RANBP10: variants seen among roughly 807,000 people sequenced by gnomAD.
RANBP10 encodes RAN binding protein 10.
RANBP10 carries 24 observed loss-of-function variants against 72.8 expected under a neutral mutation model. The observed-to-expected ratio is 0.33, with a 90% CI of 0.24 to 0.46. The LOEUF (loss-of-function observed/expected upper bound fraction) is 0.46. RANBP10 is among the 20% of genes least tolerant of loss of function. RANBP10 has a pLI of 1.00. For missense variants in RANBP10, 679 were observed against 817.5 expected, an observed-to-expected ratio of 0.83 and a Z score of 2.07; for synonymous variants, 310 against 322.3, an observed-to-expected ratio of 0.96 and a Z score of 0.41.
At chr16:67,733,862 A>T (rs989887082) in intron 6 of RANBP10, among the ~76,000 whole-genome samples, 1 of 152,098 alleles carries the variant, frequency 6.6e-6, no homozygotes, top group Admixed American at 6.5e-5. Flanking sequence ...GGCCCTGAAA[A>T]CTGAGAGTAT....
At chr16:67,799,215 C>A (rs1567717505) in intron 2 of RANBP10, among the ~76,000 whole-genome samples, 2 of 151,798 alleles carry the variant, frequency 1.3e-5, no homozygotes, top group Non-Finnish European at 2.9e-5. Flanking sequence ...GGATTACAGG[C>A]ATGAGCCAGG....
chr16:67,785,930 G>A (rs2054909166), intron 2 of RANBP10, among the ~76,000 whole-genome samples: 1 of 151,708 alleles, frequency 6.6e-6, no homozygotes, highest in African/African-American at 2.4e-5. Context: ...GGAGGCTGAG[G>A]CAGGAGAATG....
chr16:67,727,979 G>T, intron 11 of RANBP10, 83 bp from the exon 12 acceptor site: 1 of 1,491,108 alleles, frequency 6.7e-7, no homozygotes, highest in South Asian at 1.2e-5. Context: ...AAGGACCCCG[G>T]GTGGGCTGCA....
chr16:67,744,613 CTG>C (rs1408111429), intron 3 of RANBP10, among the ~76,000 whole-genome samples, 158 bp from the exon 4 acceptor site: 2 of 152,216 alleles, frequency 1.3e-5, no homozygotes, highest in African/African-American at 4.8e-5. Flanking sequence ...CAGAGTCTGG[CTG>C]TGAGTCCAGC....
chr16:67,802,962 T>C (rs1377787912), intron 2 of RANBP10, among the ~76,000 whole-genome samples: 1 of 152,198 alleles, frequency 6.6e-6, no homozygotes, highest in African/African-American at 2.4e-5. Flanking sequence ...TCAGCTGTTA[T>C]CTATGATAAA....
chr16:67,726,447 A>G lies in RANBP10; in HGVS notation c.1844T>C (p.Val615Ala), dbSNP rs760503994. The change falls in exon 14 of 14, where the codon GTT (valine) becomes GCT (alanine). Residue 615 changes from valine (V) to alanine (A), a missense_variant. Physicochemically the swap from Val to Ala is moderately conservative, Grantham distance 64 (BLOSUM62 0). Transcript: ENST00000317506. ...AGTCAGCTAGTGCAAGTAGTCATCA[A>G]CTCTGGCAAAGGAGCAAGAACCCAG... ...AGLGSCSFAR[V>A]DDYLH The G allele has an allele frequency of 5.6e-5, 91 of 1,612,204 alleles. No individual in the cohort carries two copies. The highest frequency in any genetic ancestry group is 9.9e-5 in the South Asian group (9 of 90,794).
At chr16:67,748,679 G>C (rs936711953) in intron 3 of RANBP10, among the ~76,000 whole-genome samples, 1 of 152,142 alleles carries the variant, frequency 6.6e-6, no homozygotes, top group Non-Finnish European at 1.5e-5. Context: ...TAGAAAAGGG[G>C]AGAGGGGAGT....
intron 2 of RANBP10, among the ~76,000 whole-genome samples, chr16:67,798,907 G>GTATA (rs1237439842): frequency 3.3e-5 from 5 of 152,074 alleles, no homozygotes; most frequent in African/African-American, 9.7e-5. Context: ...ACGCTCCCTG[G>GTATA]CCACAGCATA....
intron 2 of RANBP10, among the ~76,000 whole-genome samples, chr16:67,789,778 T>C (rs1323856282): frequency 1.3e-5 from 2 of 151,112 alleles, no homozygotes; most frequent in Non-Finnish European, 2.9e-5. Context: ...GACAACCATA[T>C]ATCTTAAAAA....
chr16:67,731,709 C>CAGG, intron 6 of RANBP10, 125 bp from the exon 7 acceptor site: 1 of 650,690 alleles, frequency 1.5e-6, no homozygotes, highest in Non-Finnish European at 2.6e-6. Flanking sequence ...GTGTAACCTC[C>CAGG]ACAGAATGAG....
intron 3 of RANBP10, among the ~76,000 whole-genome samples, chr16:67,751,202 T>G (rs1205503689): frequency 6.6e-6 from 1 of 152,236 alleles, no homozygotes; most frequent in African/African-American, 2.4e-5. Context: ...ATTTGGGAGA[T>G]ATTTTTGTCT....
At chr16:67,783,887 C>CA (rs1200229205) in intron 2 of RANBP10, among the ~76,000 whole-genome samples, 1 of 151,598 alleles carries the variant, frequency 6.6e-6, no homozygotes, top group Non-Finnish European at 1.5e-5. Context: ...ACTAAAAATA[C>CA]AAAAAAATTA....
chr16:67,744,511 A>C, intron 3 of RANBP10, 56 bp from the exon 4 acceptor site: 2 of 1,515,504 alleles, frequency 1.3e-6, no homozygotes, highest in Non-Finnish European at 1.8e-6. Flanking sequence ...GGAACAAGAC[A>C]AGTCACAGAA....
chr16:67,803,741 G>A (rs1457452721), intron 2 of RANBP10, among the ~76,000 whole-genome samples: 3 of 149,262 alleles, frequency 2.0e-5, no homozygotes, highest in Non-Finnish European at 4.4e-5. Context: ...AGGATAACTC[G>A]AGCCCAGAAG....
At chr16:67,758,615 T>C (rs1388195031) in intron 3 of RANBP10, among the ~76,000 whole-genome samples, 5 of 152,174 alleles carry the variant, frequency 3.3e-5, no homozygotes, top group Non-Finnish European at 5.9e-5. Context: ...CACCCTAATG[T>C]GGCCTCAGCC....
chr16:67,759,060 A>G (rs1231698401), intron 3 of RANBP10, among the ~76,000 whole-genome samples: 2 of 152,248 alleles, frequency 1.3e-5, no homozygotes, highest in Non-Finnish European at 2.9e-5. Context: ...CATGGACCAC[A>G]GCGTCCTGCA....
intron 3 of RANBP10, among the ~76,000 whole-genome samples, chr16:67,766,155 G>A (rs991065194): frequency 8.5e-5 from 13 of 152,126 alleles, no homozygotes; most frequent in Non-Finnish European, 1.2e-4. Flanking sequence ...AATCAGCAGC[G>A]GCTGGCAGAA....
In RANBP10 at chr16:67,785,199, G is replaced by A. The variant is rs73591983; in HGVS notation, c.348-13113C>T. 5.0e-3 allele frequency among the ~76,000 whole-genome samples: 753 copies of A among 151,836 alleles called. 8 individuals are homozygous for A. Among genetic ancestry groups the A allele is most frequent in the African/African-American group, 0.017 (709 of 41,376 alleles). On this transcript the variant is annotated intron_variant, in intron 2 of 13. Coordinates refer to ENST00000317506, the MANE Select transcript of RANBP10 (RefSeq NM_020850.3). ...TGCATTCCATCCTGGGTGACAGATCGAGAGTCGGTCTCAAAAATAAATAAA... is the reference window on the plus strand; with the variant it reads ...TGCATTCCATCCTGGGTGACAGATCAAGAGTCGGTCTCAAAAATAAATAAA...
At chr16:67,791,080 C>T (rs1251409850) in intron 2 of RANBP10, among the ~76,000 whole-genome samples, 1 of 150,954 alleles carries the variant, frequency 6.6e-6, no homozygotes, top group Non-Finnish European at 1.5e-5. Flanking sequence ...TTGGCGCAAT[C>T]TCGGCTCACT....
Sources: allele counts gnomAD v4.1 joint callset (sites outside exome capture counted in the v4.1 genomes callset), GRCh38; gene constraint gnomAD v4.1.1; transcripts MANE v1.5; gene names NCBI Gene and HGNC (gene_info 2026-07-23, HGNC 2026-07-21).